CCDC6: variants seen among roughly 807,000 people sequenced by gnomAD.
CCDC6 encodes the protein coiled-coil domain-containing protein 6.
Under a neutral mutation model 56.6 loss-of-function variants are expected in CCDC6, and 20 were observed. That is an observed-to-expected ratio of 0.35 (90% confidence interval 0.25 to 0.51). The LOEUF (loss-of-function observed/expected upper bound fraction) is 0.51. CCDC6 is among the 20% of genes least tolerant of loss of function. The pLI, the probability that CCDC6 is intolerant of heterozygous loss-of-function variation, is 0.95. For missense variants in CCDC6, 367 were observed against 601.1 expected, an observed-to-expected ratio of 0.61 and a Z score of 4.07; for synonymous variants, 241 against 234.4, an observed-to-expected ratio of 1.03 and a Z score of -0.26.
chr10:59,826,488 A>G (rs1343008164), intron 3 of CCDC6, among the ~76,000 whole-genome samples: 1 of 152,020 alleles, frequency 6.6e-6, no homozygotes, highest in African/African-American at 2.4e-5. Context: ...TGGTGGGAGC[A>G]CCACTACTCT....
At chr10:59,806,860 C>A in intron 6 of CCDC6, 62 bp downstream of exon 6, 2 of 1,535,036 alleles carry the variant, frequency 1.3e-6, no homozygotes, top group South Asian at 2.4e-5. Flanking sequence ...CCAAAGAAAA[C>A]CTCTGTAGAA....
chr10:59,894,826 G>A (rs970586729), intron 1 of CCDC6, among the ~76,000 whole-genome samples: 14 of 152,116 alleles, frequency 9.2e-5, no homozygotes, highest in African/African-American at 1.4e-4. Flanking sequence ...TCCCCCATGC[G>A]ATGAAGGAAC....
intron 7 of CCDC6, among the ~76,000 whole-genome samples, chr10:59,798,759 C>G (rs891179551): frequency 2.0e-5 from 3 of 152,090 alleles, no homozygotes; most frequent in African/African-American, 7.2e-5. Flanking sequence ...CTTTGGGAGG[C>G]TGAGGTGGAT....
chr10:59,874,118 A>AACACACACACACACACAC (rs55812153), intron 1 of CCDC6, among the ~76,000 whole-genome samples: 71 of 148,690 alleles, frequency 4.8e-4, no homozygotes, highest in Non-Finnish European at 6.0e-4. Context: ...TTACCTAGCA[A>AACACACACACACACACAC]ACACACACAC....
intron 5 of CCDC6, among the ~76,000 whole-genome samples, chr10:59,810,197 A>G (rs2070661543): frequency 6.6e-6 from 1 of 152,206 alleles, no homozygotes; most frequent in Non-Finnish European, 1.5e-5. Flanking sequence ...AGCTGCATCC[A>G]AAAGAGGCCC....
rs1232010522 is a variant in CCDC6, at chr10:59,795,689, A to G, written c.1106-1092T>C. ...CCCCTTCCTGTGTCCATGTGTTCTC[A>G]TTGTTCAATTCCCACCTATGAGTCA... is the stretch of plus-strand genomic sequence containing the variant. On this transcript the variant is annotated intron_variant, in intron 7 of 8. Coordinates refer to ENST00000263102, the MANE Select transcript of CCDC6 (RefSeq NM_005436.5). 6.0e-5 allele frequency among the ~76,000 whole-genome samples: 8 copies of G among 133,882 alleles called. No homozygotes were observed. In the East Asian group the frequency reaches 1.5e-3, roughly 26 times the overall value. The allele number at this position is 133,882 out of a possible 152,430, so 87.8% of individuals were successfully genotyped here. A position where few individuals can be genotyped will look rare whatever the true frequency, so the allele number is the denominator to read the frequency against.
intron 1 of CCDC6, among the ~76,000 whole-genome samples, chr10:59,886,358 T>A (rs2071383495): frequency 6.6e-6 from 1 of 152,124 alleles, no homozygotes; most frequent in Non-Finnish European, 1.5e-5. Context: ...TAATTCAAGA[T>A]CTCATATGAA....
intron 1 of CCDC6, among the ~76,000 whole-genome samples, chr10:59,875,542 A>T (rs1437361085): frequency 6.6e-6 from 1 of 152,190 alleles, no homozygotes; most frequent in Non-Finnish European, 1.5e-5. Context: ...TACAGTTGGC[A>T]CCTCAAGCAC....
intron 1 of CCDC6, among the ~76,000 whole-genome samples, chr10:59,868,453 A>C (rs2071196776): frequency 6.6e-6 from 1 of 152,114 alleles, no homozygotes. Flanking sequence ...TCCTGTGATT[A>C]AGGTGGTTCT....
At chr10:59,797,370 G>T (rs1253472388) in intron 7 of CCDC6, among the ~76,000 whole-genome samples, 1 of 151,828 alleles carries the variant, frequency 6.6e-6, no homozygotes, top group East Asian at 1.9e-4. Flanking sequence ...ATATTGAGAG[G>T]TCTCACCACA....
intron 1 of CCDC6, among the ~76,000 whole-genome samples, chr10:59,897,738 A>G (rs570089013): frequency 6.6e-6 from 1 of 152,360 alleles, no homozygotes; most frequent in South Asian, 2.1e-4. Context: ...TAGAAGCAAC[A>G]GGTGAAGTGT....
intron 3 of CCDC6, among the ~76,000 whole-genome samples, chr10:59,831,225 C>T (rs146672008): frequency 1.1e-3 from 161 of 152,226 alleles, no homozygotes; most frequent in African/African-American, 3.3e-3. Context: ...AGAAATTACT[C>T]GAGATGTATA....
chr10:59,815,804 T>C (rs920284171), intron 3 of CCDC6, among the ~76,000 whole-genome samples: 9 of 152,242 alleles, frequency 5.9e-5, no homozygotes, highest in African/African-American at 2.2e-4. Flanking sequence ...CACAAAGATG[T>C]TAATAGATTC....
At chr10:59,881,702 T>G (rs1160429170) in intron 1 of CCDC6, among the ~76,000 whole-genome samples, 1 of 152,222 alleles carries the variant, frequency 6.6e-6, no homozygotes, top group African/African-American at 2.4e-5. Context: ...TTTGAAAACT[T>G]CGCTGAACAT....
chr10:59,888,731 G>C (rs1023228074), intron 1 of CCDC6, among the ~76,000 whole-genome samples: 6 of 152,170 alleles, frequency 3.9e-5, no homozygotes, highest in African/African-American at 1.2e-4. Flanking sequence ...TTATCAGAGA[G>C]GCAAACTGAA....
At chr10:59,870,522 C>T (rs759328176) in intron 1 of CCDC6, among the ~76,000 whole-genome samples, 26 of 152,080 alleles carry the variant, frequency 1.7e-4, no homozygotes, top group Non-Finnish European at 3.5e-4. Context: ...GTGGATGGTA[C>T]GTGAGTGACC....
intron 1 of CCDC6, among the ~76,000 whole-genome samples, chr10:59,860,885 T>C (rs1589052598): frequency 6.6e-6 from 1 of 151,950 alleles, no homozygotes; most frequent in African/African-American, 2.4e-5. Context: ...CCCATGTCTA[T>C]GAAAAATTTA....
chr10:59,800,461 AAATTGTTCT>A (rs377521946), intron 7 of CCDC6, among the ~76,000 whole-genome samples: 1 of 152,336 alleles, frequency 6.6e-6, no homozygotes, highest in African/African-American at 2.4e-5. Context: ...CAATCCATCC[AAATTGTTCT>A]AAGTGTCAAT....
chr10:59,800,524 T>C (rs1189156788), intron 7 of CCDC6, among the ~76,000 whole-genome samples: 1 of 152,204 alleles, frequency 6.6e-6, no homozygotes. Context: ...TGAATAGACA[T>C]ACTGCCATTT....
Sources: allele counts gnomAD v4.1 joint callset (sites outside exome capture counted in the v4.1 genomes callset), GRCh38; gene constraint gnomAD v4.1.1; transcripts MANE v1.5; gene names NCBI Gene and HGNC (gene_info 2026-07-23, HGNC 2026-07-21).